The following ANO6 variants were observed in gnomAD, a reference collection of about 807,000 sequenced individuals.
The protein encoded by ANO6 is anoctamin-6.
A neutral mutation model predicts 117.5 loss-of-function variants in ANO6; 106 were observed. The ratio of observed to expected loss-of-function variants is 0.90; its 90% CI spans 0.77 to 1.06. The LOEUF (loss-of-function observed/expected upper bound fraction) is 1.06, where lower values mean the gene tolerates loss of function less well. Among genes scored for constraint, ANO6 ranks in the 50% least tolerant of loss-of-function variants. The pLI is 0.00. For missense variants in ANO6, 955 were observed against 1,121.1 expected (o/e 0.85, Z 2.12); for synonymous variants, 367 against 385.1 (o/e 0.95, Z 0.55).
chr12:45,226,828 A>C (rs1448615591), intron 1 of ANO6, among the ~76,000 whole-genome samples: 1 of 151,748 alleles, frequency 6.6e-6, no homozygotes, highest in African/African-American at 2.4e-5. Context: ...GAAACTCAAT[A>C]AGATCCTTAA....
At position 45,430,999 on chromosome 12, in the gene ANO6, T is replaced by G; in HGVS notation, c.*1688T>G. ...ATTTTAGAGGCTTTTTACAATAAAG[T>G]AGCGTAACTCTAGGTCATGATTGAT... On this transcript the variant is annotated 3_prime_UTR_variant, in exon 20 of 20. Coordinates refer to ENST00000320560, the MANE Select transcript of ANO6 (RefSeq NM_001025356.3). The G allele has an allele frequency of 1.0e-6, 1 of 985,402 alleles. No individual in the cohort carries two copies. The allele number at this position is 985,402 out of a possible 1,614,324, so 61.0% of individuals were successfully genotyped here. A position where few individuals can be genotyped will look rare whatever the true frequency, so the allele number is the denominator to read the frequency against.
At chr12:45,375,834 C>T (rs924726564) in intron 9 of ANO6, among the ~76,000 whole-genome samples, 169 of 150,340 alleles carry the variant, frequency 1.1e-3, no homozygotes, top group African/African-American at 3.7e-3. Flanking sequence ...GCAATGGCAA[C>T]AAAAGCCAAA....
At chr12:45,307,484 A>C (rs1939707598) in intron 2 of ANO6, among the ~76,000 whole-genome samples, 1 of 152,120 alleles carries the variant, frequency 6.6e-6, no homozygotes, top group Non-Finnish European at 1.5e-5. Flanking sequence ...GTTTGGGGAG[A>C]GGATATGCAG....
chr12:45,429,495 A>T lies in ANO6; in HGVS notation c.*184A>T. On this transcript the variant is annotated 3_prime_UTR_variant, in exon 20 of 20. Coordinates refer to ENST00000320560, the MANE Select transcript of ANO6 (RefSeq NM_001025356.3). ...AGAAACTGGAAAATGTAAAACTTAG[A>T]TCATGAAGGGCATAAAACTTATCAC... The T allele has an allele frequency of 7.0e-7, 1 of 1,423,412 alleles. No individual in the cohort carries two copies. Among genetic ancestry groups the T allele is most frequent in the African/African-American group, 1.4e-5 (1 of 69,540 alleles). 88.2% of individuals were successfully genotyped at this position (1,423,412 alleles called of 1,614,324 possible).
chr12:45,371,788 C>A (rs1715122939), intron 9 of ANO6, among the ~76,000 whole-genome samples: 1 of 152,224 alleles, frequency 6.6e-6, no homozygotes, highest in Non-Finnish European at 1.5e-5. Flanking sequence ...ACTGGAAACT[C>A]TAAAAAGCAG....
chr12:45,309,547 T>C (rs577259971), intron 2 of ANO6, among the ~76,000 whole-genome samples: 1 of 152,082 alleles, frequency 6.6e-6, no homozygotes, highest in African/African-American at 2.4e-5. Context: ...TCAAAGTGGG[T>C]TCAAGGATCT....
At chr12:45,435,062 A>G (rs547669984), downstream of ANO6, among the ~76,000 whole-genome samples, 3 of 152,322 alleles carry the variant, frequency 2.0e-5, no homozygotes, top group East Asian at 5.8e-4. Context: ...TTGAAGCTCT[A>G]TTACCTGTTC....
chr12:45,219,364 G>A (rs1342641094), intron 1 of ANO6, among the ~76,000 whole-genome samples: 1 of 152,104 alleles, frequency 6.6e-6, no homozygotes, highest in Non-Finnish European at 1.5e-5. Context: ...TTTAGAGACA[G>A]GGTCTCCCTC....
At chr12:45,415,177 C>T (rs1592040134) in intron 16 of ANO6, among the ~76,000 whole-genome samples, 1 of 152,178 alleles carries the variant, frequency 6.6e-6, no homozygotes, top group East Asian at 1.9e-4. Context: ...TTTGCCCAAT[C>T]AAGAGTTTGG....
chr12:45,230,792 T>C (rs1947562975), intron 1 of ANO6, among the ~76,000 whole-genome samples: 2 of 152,246 alleles, frequency 1.3e-5, no homozygotes, highest in Non-Finnish European at 2.9e-5. Context: ...ATATTGATCA[T>C]GTGAATTTTT....
chr12:45,217,698 GAAGATT>G (rs2137112465), intron 1 of ANO6, among the ~76,000 whole-genome samples: 2 of 152,322 alleles, frequency 1.3e-5, no homozygotes, highest in South Asian at 4.1e-4. Flanking sequence ...TAAAACCAGT[GAAGATT>G]AATGCTCTTA....
At chr12:45,318,226 A>G (rs981645812) in intron 2 of ANO6, among the ~76,000 whole-genome samples, 11 of 152,266 alleles carry the variant, frequency 7.2e-5, no homozygotes, top group African/African-American at 2.2e-4. Flanking sequence ...GGTATTGCCT[A>G]GGTTTTCTTC....
chr12:45,261,463 T>C (rs10785559), intron 1 of ANO6, among the ~76,000 whole-genome samples: 143,701 of 152,296 alleles, frequency 0.94, 68,374 homozygotes, highest in East Asian at 1. Context: ...GATTTGCAAA[T>C]ATCATCTTGT....
At chr12:45,391,915 T>G (rs1375372929) in intron 12 of ANO6, among the ~76,000 whole-genome samples, 4 of 152,170 alleles carry the variant, frequency 2.6e-5, no homozygotes, top group African/African-American at 9.6e-5. Context: ...AGCTCCCATC[T>G]GCTGCTCCCA....
intron 2 of ANO6, among the ~76,000 whole-genome samples, chr12:45,319,404 A>G (rs141443809): frequency 0.019 from 2,910 of 152,204 alleles, 33 homozygotes; most frequent in Middle Eastern, 0.065. Context: ...TTCTGTTTAT[A>G]TGCTGGATTA....
intron 2 of ANO6, among the ~76,000 whole-genome samples, chr12:45,307,100 A>C (rs568746036): frequency 6.6e-6 from 1 of 152,066 alleles, no homozygotes; most frequent in Admixed American, 6.6e-5. Context: ...CATTGTAAAG[A>C]CTTTGGTTTT....
At chr12:45,305,485 C>A (rs567512161) in intron 2 of ANO6, among the ~76,000 whole-genome samples, 7 of 152,248 alleles carry the variant, frequency 4.6e-5, no homozygotes, top group African/African-American at 1.7e-4. Flanking sequence ...ACTTTGAAAG[C>A]AGTTAGTTCA....
chr12:45,274,504 C>T (rs1342729423), intron 1 of ANO6, among the ~76,000 whole-genome samples: 3 of 152,038 alleles, frequency 2.0e-5, no homozygotes, highest in African/African-American at 4.8e-5. Flanking sequence ...ACACCTAAAT[C>T]GGAGCCCAGG....
intron 1 of ANO6, among the ~76,000 whole-genome samples, chr12:45,225,014 G>C (rs1328052976): frequency 6.6e-6 from 1 of 152,060 alleles, no homozygotes; most frequent in Non-Finnish European, 1.5e-5. Flanking sequence ...AACATACTAA[G>C]ACCCAATCTA....
Sources: gnomAD v4.1 joint callset for allele counts (sites outside exome capture counted in the v4.1 genomes callset) on GRCh38, gnomAD v4.1.1 for gene constraint, MANE v1.5 for transcripts, NCBI Gene and HGNC (gene_info 2026-07-23, HGNC 2026-07-21) for gene names.